SGCZ: variants seen among roughly 807,000 people sequenced by gnomAD.
The protein encoded by SGCZ is zeta-sarcoglycan.
Under a neutral mutation model 41.3 loss-of-function variants are expected in SGCZ, and 40 were observed. That is an observed-to-expected ratio of 0.97 (90% CI 0.75 to 1.26). The LOEUF (loss-of-function observed/expected upper bound fraction) is 1.26, where lower values mean the gene tolerates loss of function less well. Among genes scored for constraint, SGCZ ranks in the 50% most tolerant of loss-of-function variants. The pLI is 0.00. For missense variants in SGCZ, 552 were observed against 369.8 expected, an observed-to-expected ratio of 1.49 and a Z score of -4.04; for synonymous variants, 206 against 137.5, an observed-to-expected ratio of 1.50 and a Z score of -3.49.
At chr8:14,217,595 A>C (rs1806044223) in intron 4 of SGCZ, among the ~76,000 whole-genome samples, 1 of 151,726 alleles carries the variant, frequency 6.6e-6, no homozygotes, top group Non-Finnish European at 1.5e-5. Flanking sequence ...GAGATGAAGC[A>C]AAAACACTTG....
intron 1 of SGCZ, among the ~76,000 whole-genome samples, chr8:15,146,031 T>C (rs1041235104): frequency 1.3e-5 from 2 of 152,090 alleles, no homozygotes; most frequent in African/African-American, 4.8e-5. Flanking sequence ...CTCTCTGCTC[T>C]GTTAGTGGCC....
At chr8:14,569,978 T>C (rs1804502233) in intron 1 of SGCZ, among the ~76,000 whole-genome samples, 1 of 151,132 alleles carries the variant, frequency 6.6e-6, no homozygotes, top group South Asian at 2.1e-4. Context: ...AGCCCTACCA[T>C]GACAACTTCA....
intron 1 of SGCZ, among the ~76,000 whole-genome samples, chr8:14,644,231 C>A (rs1261537309): frequency 6.6e-6 from 1 of 151,656 alleles, no homozygotes; most frequent in Non-Finnish European, 1.5e-5. Flanking sequence ...ACATTTAAAT[C>A]TACACTTTGA....
chr8:14,241,399 T>C (rs1477021808), intron 3 of SGCZ, among the ~76,000 whole-genome samples: 2 of 149,132 alleles, frequency 1.3e-5, no homozygotes, highest in Non-Finnish European at 3.0e-5. Flanking sequence ...TACACTACTA[T>C]AAAGATATAA....
chr8:14,608,064 A>AT (rs1316029599), intron 1 of SGCZ, among the ~76,000 whole-genome samples: 1 of 152,204 alleles, frequency 6.6e-6, no homozygotes, highest in East Asian at 1.9e-4. Context: ...CAGGAAAAGC[A>AT]TATCCTTACT....
chr8:14,829,246 ATG>A (rs1802443675), intron 1 of SGCZ, among the ~76,000 whole-genome samples: 1 of 152,042 alleles, frequency 6.6e-6, no homozygotes, highest in Non-Finnish European at 1.5e-5. Flanking sequence ...CTATATATCC[ATG>A]TGTTCTCAAC....
chr8:14,196,489 T>C (rs528772912), intron 4 of SGCZ, among the ~76,000 whole-genome samples: 1 of 152,174 alleles, frequency 6.6e-6, no homozygotes, highest in Non-Finnish European at 1.5e-5. Flanking sequence ...GGTTATGTTT[T>C]AAATAAACAC....
chr8:14,914,023 TAGTC>T lies in SGCZ; in HGVS notation c.39+323558_39+323561del, dbSNP rs1215690627. Among the ~76,000 whole-genome samples the T allele has an allele frequency of 4.6e-5, 7 of 152,194 alleles. No individual in the cohort carries two copies. In the East Asian group the frequency reaches 5.8e-4, roughly 13 times the overall value. On this transcript the variant is annotated intron_variant, in intron 1 of 7. Transcript: ENST00000382080. ...GAACACACAAAATTCACATTCTTAA[TAGTC>T]AGTTTATAAAATACAAATACATATG...
At chr8:14,817,857 C>G (rs150287385) in intron 1 of SGCZ, among the ~76,000 whole-genome samples, 8 of 152,294 alleles carry the variant, frequency 5.3e-5, no homozygotes, top group African/African-American at 1.7e-4. Flanking sequence ...TGCCCCAACC[C>G]CAGATCATTG....
chr8:14,426,630 C>G (rs1799790226), intron 2 of SGCZ, among the ~76,000 whole-genome samples: 1 of 152,076 alleles, frequency 6.6e-6, no homozygotes, highest in African/African-American at 2.4e-5. Context: ...CTTCAAAATG[C>G]TGTTCAGCTG....
intron 2 of SGCZ, 34 bp from the exon 3 acceptor site, chr8:14,324,238 T>A: frequency 1.4e-6 from 2 of 1,480,248 alleles, no homozygotes; most frequent in Non-Finnish European, 9.4e-7. Flanking sequence ...ACTTTTAGGT[T>A]AATTGGAGAA....
At position 14,448,911 on chromosome 8, in the gene SGCZ, G is replaced by T. The variant is rs537394655; in HGVS notation, c.234+105821C>A. On this transcript the variant is annotated intron_variant, in intron 2 of 7. Coordinates refer to ENST00000382080, the MANE Select transcript of SGCZ (RefSeq NM_139167.4). ...GAATATCTCTTCCCTCTTAGACTAGGCATGACCAAAAAAGTTAATCTGGGT... is the reference window on the plus strand; with the variant it reads ...GAATATCTCTTCCCTCTTAGACTAGTCATGACCAAAAAAGTTAATCTGGGT... Among the ~76,000 whole-genome samples the T allele has an allele frequency of 3.2e-4, 49 of 152,246 alleles. 1 individual carries two copies. The highest frequency in any genetic ancestry group is 1.1e-3 in the African/African-American group (47 of 41,542).
chr8:14,721,394 G>A (rs2264045), intron 1 of SGCZ, among the ~76,000 whole-genome samples: 56,377 of 151,884 alleles, frequency 0.37, 12,589 homozygotes, highest in Non-Finnish European at 0.51. Flanking sequence ...TACCTGATTC[G>A]TGCTTTTATC....
intron 1 of SGCZ, among the ~76,000 whole-genome samples, chr8:14,996,615 G>C (rs1259756475): frequency 4.6e-5 from 7 of 152,134 alleles, no homozygotes; most frequent in Admixed American, 4.6e-4. Context: ...GTGGAATTCA[G>C]AACTGACTCT....
intron 1 of SGCZ, among the ~76,000 whole-genome samples, chr8:14,699,041 T>C (rs1292470463): frequency 2.0e-5 from 3 of 151,706 alleles, no homozygotes; most frequent in African/African-American, 7.3e-5. Context: ...TCCAATACTA[T>C]GAAAATCATC....
intron 1 of SGCZ, among the ~76,000 whole-genome samples, chr8:14,608,131 A>G (rs932932865): frequency 1.3e-5 from 2 of 152,208 alleles, no homozygotes; most frequent in African/African-American, 2.4e-5. Context: ...AAAGATAATT[A>G]CAATAAAAAG....
intron 1 of SGCZ, among the ~76,000 whole-genome samples, chr8:14,997,204 T>C (rs1324835184): frequency 1.3e-5 from 2 of 152,234 alleles, no homozygotes; most frequent in Admixed American, 1.3e-4. Flanking sequence ...TATATTTACA[T>C]AATTAATAGG....
At chr8:14,400,305 A>C (rs991666092) in intron 2 of SGCZ, among the ~76,000 whole-genome samples, 3 of 152,162 alleles carry the variant, frequency 2.0e-5, no homozygotes, top group African/African-American at 4.8e-5. Flanking sequence ...ATTAAGAATA[A>C]TACACATACA....
chr8:15,216,216 T>G (rs565012647), intron 1 of SGCZ, among the ~76,000 whole-genome samples: 1 of 73,796 alleles, frequency 1.4e-5, no homozygotes, highest in African/African-American at 4.1e-5. Flanking sequence ...GCTTATTCTT[T>G]TTTTTTCTTT....
Sources: allele counts gnomAD v4.1 joint callset (sites outside exome capture counted in the v4.1 genomes callset), GRCh38; gene constraint gnomAD v4.1.1; transcripts MANE v1.5; gene names NCBI Gene and HGNC (gene_info 2026-07-23, HGNC 2026-07-21).